GLYATL1: variants seen among roughly 807,000 people sequenced by gnomAD.
GLYATL1 encodes the protein glycine-N-acyltransferase like 1.
A neutral mutation model predicts 20.0 loss-of-function variants in GLYATL1; 15 were observed. The ratio of observed to expected loss-of-function variants is 0.75; its 90% CI spans 0.50 to 1.15. The LOEUF (loss-of-function observed/expected upper bound fraction) is 1.15, where lower values mean the gene tolerates loss of function less well. Among genes scored for constraint, GLYATL1 ranks in the 50% most tolerant of loss-of-function variants. The pLI is 0.00. For missense variants in GLYATL1, 380 were observed against 368.5 expected (o/e 1.03, Z -0.26); for synonymous variants, 151 against 131.5 (o/e 1.15, Z -1.01).
chr11:58,922,124 A>C (rs1002502092), intron 1 of GLYATL1, among the ~76,000 whole-genome samples: 4 of 152,160 alleles, frequency 2.6e-5, no homozygotes, highest in African/African-American at 9.7e-5. Context: ...GATCCTCTTC[A>C]AGAAATTGGC....
At chr11:58,954,650 A>C (rs1284058889) in intron 4 of GLYATL1, 120 bp from the exon 5 acceptor site, 3 of 820,654 alleles carry the variant, frequency 3.7e-6, no homozygotes, top group African/African-American at 1.7e-5. Context: ...GCCCAACTGC[A>C]GCCATCATGG....
At chr11:58,952,521 A>G (rs1405480763) in intron 4 of GLYATL1, among the ~76,000 whole-genome samples, 2 of 152,228 alleles carry the variant, frequency 1.3e-5, no homozygotes, top group Admixed American at 6.5e-5. Flanking sequence ...TAGAATTTAA[A>G]TGTAAAATAA....
At chr11:58,936,053 G>A (rs952916868), upstream of GLYATL1, among the ~76,000 whole-genome samples, 5 of 152,154 alleles carry the variant, frequency 3.3e-5, no homozygotes, top group Non-Finnish European at 7.3e-5. Flanking sequence ...CAGATTTTCT[G>A]ATGATAAGTA....
intron 1 of GLYATL1, among the ~76,000 whole-genome samples, chr11:58,942,230 G>A (rs911743874): frequency 6.6e-5 from 10 of 152,194 alleles, no homozygotes; most frequent in Admixed American, 2.6e-4. Flanking sequence ...TGAACTGCAA[G>A]CAAACCTGTC....
intron 2 of GLYATL1, among the ~76,000 whole-genome samples, chr11:58,944,766 C>T (rs963102629): frequency 3.3e-5 from 5 of 152,192 alleles, no homozygotes; most frequent in South Asian, 2.1e-4. Context: ...CTCATATTTA[C>T]AGACTGTCAT....
intron 1 of GLYATL1, among the ~76,000 whole-genome samples, chr11:58,918,459 T>C (rs1207410793): frequency 6.6e-6 from 1 of 152,190 alleles, no homozygotes; most frequent in Non-Finnish European, 1.5e-5. Flanking sequence ...ATAGTAAGTA[T>C]GGTATAGTAA....
upstream of GLYATL1, among the ~76,000 whole-genome samples, chr11:58,924,257 C>T (rs528820730): frequency 1.3e-5 from 2 of 152,286 alleles, no homozygotes; most frequent in South Asian, 2.1e-4. Flanking sequence ...ACTCAGGTAC[C>T]ATGGTTTAAA....
At chr11:58,908,956 C>T (rs1166093903), downstream of GLYATL1, among the ~76,000 whole-genome samples, 2 of 152,144 alleles carry the variant, frequency 1.3e-5, no homozygotes, top group African/African-American at 4.8e-5. Context: ...GAAACTGAAG[C>T]TCAGCTTCCT....
At chr11:58,953,939 C>T (rs1449145492) in intron 4 of GLYATL1, among the ~76,000 whole-genome samples, 1 of 152,170 alleles carries the variant, frequency 6.6e-6, no homozygotes, top group African/African-American at 2.4e-5. Flanking sequence ...AGAATGGGAT[C>T]ACGAGTCTCT....
intron 1 of GLYATL1, among the ~76,000 whole-genome samples, chr11:58,914,068 A>C (rs571254754): frequency 1.2e-4 from 19 of 152,278 alleles, no homozygotes; most frequent in African/African-American, 3.8e-4. Context: ...GGCCAGGCTT[A>C]GATGTAGGGG....
upstream of GLYATL1, among the ~76,000 whole-genome samples, chr11:58,926,950 T>C (rs1035446054): frequency 6.6e-6 from 1 of 152,196 alleles, no homozygotes; most frequent in Admixed American, 6.5e-5. Context: ...TGGGACTCTT[T>C]TAGCAAGTAT....
chr11:58,929,645 G>A (rs1416974483), intron 1 of GLYATL1, among the ~76,000 whole-genome samples: 3 of 152,152 alleles, frequency 2.0e-5, no homozygotes, highest in Admixed American at 6.5e-5. Flanking sequence ...TCCCAGCTCT[G>A]TAAGACCTCC....
intron 6 of GLYATL1, 74 bp from the exon 7 acceptor site, chr11:58,955,536 T>G: frequency 6.6e-7 from 1 of 1,510,402 alleles, no homozygotes; most frequent in Non-Finnish European, 9.0e-7. Flanking sequence ...TCCTGGGATC[T>G]CTAGATTGGG....
intron 1 of GLYATL1, among the ~76,000 whole-genome samples, chr11:58,913,619 C>A (rs1855102410): frequency 6.6e-6 from 1 of 152,110 alleles, no homozygotes; most frequent in African/African-American, 2.4e-5. Flanking sequence ...TCTCTTGGAG[C>A]TGACACCATA....
chr11:58,910,655 A>G (rs1449070172), downstream of GLYATL1, among the ~76,000 whole-genome samples: 7 of 152,172 alleles, frequency 4.6e-5, no homozygotes, highest in African/African-American at 1.7e-4. Flanking sequence ...AATGAGAGGG[A>G]AAAATGATGG....
chr11:58,927,519 C>A (rs527636685), upstream of GLYATL1: 2 of 152,392 alleles, frequency 1.3e-5, no homozygotes. Context: ...TGGACCCCAG[C>A]CTCCCCTTGG....
At chr11:58,916,856 C>T (rs559178850) in intron 1 of GLYATL1, among the ~76,000 whole-genome samples, 16 of 152,302 alleles carry the variant, frequency 1.1e-4, no homozygotes, top group African/African-American at 2.4e-4. Context: ...TGGGAGCAGG[C>T]TTGAGAAAGG....
At chr11:58,911,409 G>A (rs1311271858), downstream of GLYATL1, among the ~76,000 whole-genome samples, 1 of 152,158 alleles carries the variant, frequency 6.6e-6, no homozygotes, top group African/African-American at 2.4e-5. Flanking sequence ...TCTTCAAAAT[G>A]TTTTCAAAAT....
chr11:58,923,780 C>A (rs559785450), upstream of GLYATL1, among the ~76,000 whole-genome samples: 54 of 152,300 alleles, frequency 3.5e-4, no homozygotes, highest in African/African-American at 1.3e-3. Flanking sequence ...GTGGGGAAGG[C>A]AGCCAGGTCT....
Sources: gnomAD v4.1 joint callset for allele counts (sites outside exome capture counted in the v4.1 genomes callset) on GRCh38, gnomAD v4.1.1 for gene constraint, MANE v1.5 for transcripts, NCBI Gene and HGNC (gene_info 2026-07-23, HGNC 2026-07-21) for gene names.